SLC12A9: variants seen among roughly 807,000 people sequenced by gnomAD.
SLC12A9 encodes CCC-interacting protein 1.
In SLC12A9, 55 loss-of-function variants were observed where a neutral mutation model predicts 66.0. The ratio of observed to expected loss-of-function variants is 0.83; its 90% CI spans 0.67 to 1.04. The LOEUF (loss-of-function observed/expected upper bound fraction) is 1.04. Ranked by LOEUF, SLC12A9 falls within the 50% of genes least tolerant of loss-of-function variation. SLC12A9 has a pLI of 0.00. For synonymous variants in SLC12A9, 577 were observed against 569.0 expected (o/e 1.01, Z -0.20); for missense variants, 1,061 against 1,241.9 (o/e 0.85, Z 2.19).
In SLC12A9 at chr7:100,866,201, G is replaced by T. The variant is rs762382273; in HGVS notation, c.2341G>T (p.Ala781Ser). 1.2e-6 allele frequency: 2 copies of T among 1,610,858 alleles called. No homozygotes were observed. The highest frequency in any genetic ancestry group is 4.5e-5 in the East Asian group (2 of 44,860). ...GGGGCCTCGGGAGGCGCCTGGGGCG[G>T]CCGAGGGGCGGCTGCGGGCACTGCT... ...CLGPREAPGAAEGRLRALLSQ... is the reference protein window; with the variant it reads ...CLGPREAPGASEGRLRALLSQ... Residue 781 changes from alanine (A) to serine (S), a missense_variant, in exon 14 of 14, where the codon GCC becomes TCC. Transcript: ENST00000354161. This position sits in a 1 kb window ranked among gnomAD's most constrained non-coding sequence, Gnocchi z 7.3.
chr7:100,844,435 C>G (rs914740271), intron 1 of SLC12A9, among the ~76,000 whole-genome samples: 1 of 152,100 alleles, frequency 6.6e-6, no homozygotes, highest in Non-Finnish European at 1.5e-5. Flanking sequence ...GGTGCCCAAA[C>G]AAGTCACGTT....
upstream of SLC12A9, among the ~76,000 whole-genome samples, chr7:100,851,355 A>G (rs1269515705): frequency 1.3e-5 from 2 of 152,066 alleles, no homozygotes; most frequent in Non-Finnish European, 2.9e-5. Context: ...AGATTTATGG[A>G]AGCAGAGTTC....
At chr7:100,857,811 C>G (rs1393673128) in intron 5 of SLC12A9, 1 of 152,646 alleles carries the variant, frequency 6.6e-6, no homozygotes, top group Non-Finnish European at 1.5e-5. Context: ...ACTCGGGAAG[C>G]TGAGGGAGAA....
At chr7:100,853,108 A>G (rs1303798083) in intron 1 of SLC12A9, among the ~76,000 whole-genome samples, 1 of 148,768 alleles carries the variant, frequency 6.7e-6, no homozygotes, top group Non-Finnish European at 1.5e-5. Context: ...AGGGGGTTTG[A>G]GATGGGTTGA....
chr7:100,828,018 G>A (rs1813462208), intron 1 of SLC12A9, among the ~76,000 whole-genome samples: 2 of 152,210 alleles, frequency 1.3e-5, no homozygotes, highest in Admixed American at 1.3e-4. Flanking sequence ...TGGGGGAAAA[G>A]GAAGGAAAAG....
exon 1 of SLC12A9, chr7:100,826,924 TG>T (rs1429888365): frequency 2.6e-5 from 40 of 1,517,950 alleles, no homozygotes; most frequent in African/African-American, 2.8e-5. Flanking sequence ...GCCCAGATGT[TG>T]GGGGGGAGGT....
chr7:100,858,914 A>G lies in SLC12A9; in HGVS notation c.837A>G (p.Thr279=). 2 of 1,614,124 alleles carry G rather than the reference A, an allele frequency of 1.2e-6. No homozygotes were observed. Among genetic ancestry groups the G allele is most frequent in the Non-Finnish European group, 1.7e-6 (2 of 1,180,018 alleles). Residue 279 remains threonine (T), a synonymous_variant, in exon 6 of 14, where the codon ACA becomes ACG. Transcript: ENST00000354161. ...TTGCTGTCCTCTTTAACGGCTGTAC[A>G]GGCATCATGGCTGGGGCCAACATGT... ...SVFAVLFNGC[T]GIMAGANMSG...
chr7:100,857,151 C>T lies in SLC12A9; in HGVS notation c.732C>T (p.Ser244=), dbSNP rs1256155282. ...PRFGHFTGFN[S]STLKDNLGAG... ...TTGGCCACTTCACCGGCTTCAACAG[C>T]AGTACCCTGAAGGACAACTTGGGCG... Residue 244 remains serine (S), a synonymous_variant, in exon 5 of 14, where the codon AGC becomes AGT. Transcript: ENST00000354161. The T allele has an allele frequency of 1.2e-6, 2 of 1,613,414 alleles. No homozygotes were observed. The highest frequency in any genetic ancestry group is 1.1e-5 in the South Asian group (1 of 91,034).
chr7:100,854,274 C>T lies in SLC12A9; in HGVS notation c.77C>T (p.Ala26Val). ...GGGGTTGCCCTCCCTGCCAATGGGGCCGGGGGTCCTGGAGGGGCGTCTGCC... is the reference window on the plus strand; with the variant it reads ...GGGGTTGCCCTCCCTGCCAATGGGGTCGGGGGTCCTGGAGGGGCGTCTGCC... ...EEGVALPANGAGGPGGASARK... is the reference protein window; with the variant it reads ...EEGVALPANGVGGPGGASARK... Residue 26 changes from alanine (A) to valine (V), a missense_variant, in exon 2 of 14, where the codon GCC (alanine) becomes GTC (valine). By Grantham distance (64) the Ala-to-Val change is moderately conservative. Transcript: ENST00000354161. 6.3e-7 allele frequency: 1 copy of T among 1,594,348 alleles called. No individual in the cohort carries two copies. Among genetic ancestry groups the T allele is most frequent in the Non-Finnish European group, 8.5e-7 (1 of 1,174,960 alleles).
At chr7:100,855,872 G>A in intron 4 of SLC12A9, 35 bp downstream of exon 4, 4 of 1,563,142 alleles carry the variant, frequency 2.6e-6, no homozygotes, top group Non-Finnish European at 3.5e-6. Flanking sequence ...AGTGCTGCGG[G>A]TTTACAGGGT....
At chr7:100,846,543 G>C (rs1421790706) in intron 1 of SLC12A9, among the ~76,000 whole-genome samples, 1 of 151,822 alleles carries the variant, frequency 6.6e-6, no homozygotes. Context: ...CTCTAGCCTG[G>C]GCGACAAAGT....
At position 100,853,551 on chromosome 7, in the gene SLC12A9, T is replaced by G. The variant is rs529166966; in HGVS notation, c.-42-605T>G. 41 of 118,284 alleles carry G rather than the reference T, an allele frequency of 3.5e-4. 1 individual carries two copies. The highest frequency in any genetic ancestry group is 1.1e-3 in the African/African-American group (33 of 30,870). 7.3% of individuals were successfully genotyped at this position (118,284 alleles called of 1,614,324 possible). On this transcript the variant is annotated intron_variant, in intron 1 of 13. Coordinates refer to ENST00000354161, the MANE Select transcript of SLC12A9 (RefSeq NM_020246.4). ...GGGTGTGGGTGCGTTCCTGTTTCCT[T>G]GCGGTTGTCTCTTTTTTTTTTTTTA...
chr7:100,856,829 A>G, intron 4 of SLC12A9, 39 bp from the exon 5 acceptor site: 1 of 1,524,204 alleles, frequency 6.6e-7, no homozygotes, highest in Non-Finnish European at 8.8e-7. Context: ...GGGGTGCCTT[A>G]GGATCGGGCC....
At chr7:100,865,225 TG>T (rs1814996276) in intron 13 of SLC12A9, 1 of 1,532,518 alleles carries the variant, frequency 6.5e-7, no homozygotes, top group African/African-American at 1.4e-5. Context: ...CCCAAGATGC[TG>T]CGATTACAGG....
chr7:100,845,988 C>T (rs930734076), intron 1 of SLC12A9, among the ~76,000 whole-genome samples: 13 of 152,280 alleles, frequency 8.5e-5, no homozygotes, highest in Admixed American at 3.3e-4. Context: ...GATTAGCTCT[C>T]GACTACTTGC....
chr7:100,862,118 G>A (rs1295362249), intron 12 of SLC12A9, among the ~76,000 whole-genome samples: 1 of 151,716 alleles, frequency 6.6e-6, no homozygotes, highest in African/African-American at 2.4e-5. Context: ...CATCATGCCT[G>A]GCTAGTTTTT....
Position 100,866,866 on chromosome 7 carries a change from G to C in SLC12A9, c.*261G>C. ...AGCCTCCCTTCACTGGTGCCTTGATGCTAGGGGCCAGGCCTCCTCTGTGAC... is the reference window on the plus strand; with the variant it reads ...AGCCTCCCTTCACTGGTGCCTTGATCCTAGGGGCCAGGCCTCCTCTGTGAC... On this transcript the variant is annotated 3_prime_UTR_variant, in exon 14 of 14. Transcript: ENST00000354161. This position sits in a 1 kb window ranked among gnomAD's most constrained non-coding sequence, Gnocchi z 7.3. 4.9e-6 allele frequency: 2 copies of C among 411,968 alleles called. No individual in the cohort carries two copies. Among genetic ancestry groups the C allele is most frequent in the Non-Finnish European group, 8.6e-6 (2 of 233,190 alleles). 25.5% of individuals were successfully genotyped at this position (411,968 alleles called of 1,614,324 possible).
intron 1 of SLC12A9, among the ~76,000 whole-genome samples, chr7:100,842,589 G>A (rs192856744): frequency 8.2e-4 from 125 of 152,230 alleles, no homozygotes; most frequent in Admixed American, 2.4e-3. Flanking sequence ...GCCCCAACCG[G>A]TTTTTATAAT....
rs371310415 is a variant in SLC12A9, at chr7:100,854,376, T to C, written c.179T>C (p.Ile60Thr). Residue 60 changes from isoleucine to threonine, a missense_variant and splice_region_variant, in exon 2 of 14, where the codon ATT becomes ACT. Coordinates refer to ENST00000354161, the MANE Select transcript of SLC12A9 (RefSeq NM_020246.4). ...SMFSIVVFLR[I>T]GFVVGHAGLL... is the part of the protein sequence containing the mutation. ...TTCAGCATAGTTGTTTTTCTGAGGA[T>C]TGGTGAGTGGGTCCTGGGGCGGGTG... 5 of 1,612,822 alleles carry C rather than the reference T, an allele frequency of 3.1e-6. No homozygotes were observed. The highest frequency in any genetic ancestry group is 4.2e-6 in the Non-Finnish European group (5 of 1,179,626).
Sources: allele counts gnomAD v4.1 joint callset (sites outside exome capture counted in the v4.1 genomes callset), GRCh38; gene constraint gnomAD v4.1.1; non-coding constraint Gnocchi (gnomAD v3.1); transcripts MANE v1.5; gene names NCBI Gene and HGNC (gene_info 2026-07-23, HGNC 2026-07-21).